COPB1: variants seen among roughly 807,000 people sequenced by gnomAD.
COPB1 encodes coat protein complex I subunit beta 1, also known as coatomer subunit beta.
Under a neutral mutation model 108.7 loss-of-function variants are expected in COPB1, and 21 were observed. The observed-to-expected ratio is 0.19, with a 90% CI of 0.14 to 0.28. COPB1 has a LOEUF of 0.28. COPB1 is among the 10% of genes least tolerant of loss of function. The pLI is 1.00. For missense variants in COPB1, 919 were observed against 1,141.3 expected (o/e 0.81, Z 2.81); for synonymous variants, 378 against 386.8 (o/e 0.98, Z 0.27).
intron 10 of COPB1, among the ~76,000 whole-genome samples, 163 bp from the exon 11 acceptor site, chr11:14,479,877 C>T (rs986274539): frequency 2.0e-5 from 3 of 152,118 alleles, no homozygotes; most frequent in Non-Finnish European, 4.4e-5. Context: ...AATCATAGCT[C>T]ACTGCAGCCT....
Position 14,490,779 on chromosome 11 carries a change from C to A in COPB1, c.492-100G>T, listed in dbSNP as rs181248432. 1,431 of 645,038 alleles carry A rather than the reference C, an allele frequency of 2.2e-3. 5 individuals carry two copies. Among genetic ancestry groups the A allele is most frequent in the Non-Finnish European group, 3.0e-3 (1,162 of 389,400 alleles). The allele number at this position is 645,038 out of a possible 1,614,324, so 40.0% of individuals were successfully genotyped here. A position where few individuals can be genotyped will look rare whatever the true frequency, so the allele number is the denominator to read the frequency against. On this transcript the variant is annotated intron_variant, in intron 4 of 21. Coordinates refer to ENST00000439561, the MANE Select transcript of COPB1 (RefSeq NM_001144061.2). ...CAAAATTAAATTTAATCAAACTTTA[C>A]AACATACTTTTGCTTTTTTTTTTTT...
rs183916358 is a variant in COPB1 at position 14,492,943 on chromosome 11, C to T, written c.491+699G>A. ...AGTGGAACACTTGAGGTCAGGAGTTCGAGACCAGCCTGGCCAACATGGTGA... is the reference window on the plus strand; with the variant it reads ...AGTGGAACACTTGAGGTCAGGAGTTTGAGACCAGCCTGGCCAACATGGTGA... On this transcript the variant is annotated intron_variant, in intron 4 of 21. Coordinates refer to ENST00000439561, the MANE Select transcript of COPB1 (RefSeq NM_001144061.2). Among the ~76,000 whole-genome samples the T allele has an allele frequency of 4.9e-3, 738 of 152,044 alleles. 4 individuals carry two copies. Among genetic ancestry groups the T allele is most frequent in the Non-Finnish European group, 8.0e-3 (547 of 67,980 alleles).
intron 4 of COPB1, among the ~76,000 whole-genome samples, chr11:14,492,708 G>A (rs2134127127): frequency 6.6e-6 from 1 of 152,230 alleles, no homozygotes; most frequent in African/African-American, 2.4e-5. Flanking sequence ...AGATAACTAT[G>A]AAATTATATC....
intron 21 of COPB1, among the ~76,000 whole-genome samples, 191 bp from the exon 22 acceptor site, chr11:14,458,074 A>ATTTTT (rs748562590): frequency 6.2e-4 from 62 of 100,706 alleles, no homozygotes; most frequent in Admixed American, 7.7e-4. Flanking sequence ...CCGTCACCAG[A>ATTTTT]TTTTTTTTTT....
rs3835110 is a variant in COPB1 at position 14,465,062 on chromosome 11, TACACACACACACACACACACACAC to T, written c.2291-56_2291-33del. ...GAAAGAGTTTGGATATGGTTAAAAA[TACACACACACACACACACACACAC>T]ACACACACACACACACACACACACT... is the stretch of plus-strand genomic sequence containing the variant. On this transcript the variant is annotated intron_variant, in intron 17 of 21. Transcript: ENST00000439561. 1.3e-3 allele frequency: 1,442 copies of T among 1,113,566 alleles called. 1 individual carries two copies. Among genetic ancestry groups the T allele is most frequent in the Non-Finnish European group, 1.7e-3 (1,370 of 819,618 alleles). 69.0% of individuals were successfully genotyped at this position (1,113,566 alleles called of 1,614,324 possible).
intron 14 of COPB1, among the ~76,000 whole-genome samples, chr11:14,472,306 T>A (rs1850426025): frequency 1.3e-5 from 2 of 152,264 alleles, no homozygotes; most frequent in South Asian, 4.1e-4. Context: ...AGTAATATTT[T>A]AAAAGGAGTC....
intron 18 of COPB1, among the ~76,000 whole-genome samples, chr11:14,462,554 C>G (rs541669534): frequency 6.6e-6 from 1 of 152,254 alleles, no homozygotes; most frequent in East Asian, 1.9e-4. Flanking sequence ...TCTTGACATT[C>G]TTCCACTCTT....
chr11:14,469,414 G>T lies in COPB1; in HGVS notation c.1887C>A (p.Asp629Glu). Residue 629 changes from aspartate (D) to glutamate (E), a missense_variant, in exon 15 of 22, where the codon GAC (aspartate) becomes GAA (glutamate). Physicochemically the swap from Asp to Glu is conservative, Grantham distance 45 (BLOSUM62 2). Around this residue, in one of 5 missense-constraint regions of COPB1, gnomAD observed 705 missense variants for 817.8 expected, o/e 0.86. Coordinates refer to ENST00000439561, the MANE Select transcript of COPB1 (RefSeq NM_001144061.2). ...ACTGTCTGCATTCCTTATTGAAAAT[G>T]TCATTCATTAAAGGTGAACATTCAG... The part of the protein sequence containing the change: ...VLSECSPLMN[D>E]IFNKECRQSL... 1 of 1,614,130 alleles carries T rather than the reference G, an allele frequency of 6.2e-7. No homozygotes were observed. The highest frequency in any genetic ancestry group is 8.5e-7 in the Non-Finnish European group (1 of 1,179,992).
At chr11:14,467,402 G>T (rs1850307788) in intron 16 of COPB1, among the ~76,000 whole-genome samples, 1 of 152,076 alleles carries the variant, frequency 6.6e-6, no homozygotes, top group Admixed American at 6.5e-5. Flanking sequence ...TGTTGGCAAG[G>T]ATATGGAGAA....
chr11:14,493,482 A>G (rs1464689296), intron 4 of COPB1, among the ~76,000 whole-genome samples, 160 bp downstream of exon 4: 4 of 152,222 alleles, frequency 2.6e-5, no homozygotes, highest in African/African-American at 9.6e-5. Context: ...GCGCTGCCAG[A>G]TCTTTTGACT....
chr11:14,463,020 C>T (rs746494832), intron 18 of COPB1, among the ~76,000 whole-genome samples: 4 of 152,204 alleles, frequency 2.6e-5, no homozygotes, highest in Non-Finnish European at 5.9e-5. Context: ...AGATGTCCCA[C>T]AAGAAATGTT....
intron 4 of COPB1, 82 bp downstream of exon 4, chr11:14,493,560 T>C (rs1850956226): frequency 1.7e-6 from 2 of 1,210,234 alleles, no homozygotes; most frequent in East Asian, 5.1e-5. Flanking sequence ...ATATTCAGTC[T>C]GCAAGCAACC....
intron 18 of COPB1, 28 bp from the exon 19 acceptor site, chr11:14,461,359 C>T (rs750468506): frequency 6.2e-7 from 1 of 1,604,360 alleles, no homozygotes; most frequent in South Asian, 1.1e-5. Context: ...AAAAGATTCG[C>T]AATCACTGGG....
intron 5 of COPB1, among the ~76,000 whole-genome samples, chr11:14,489,352 A>G (rs1336037996): frequency 1.3e-5 from 2 of 152,244 alleles, no homozygotes; most frequent in Non-Finnish European, 2.9e-5. Context: ...ATTGCTGTAT[A>G]TTCAGTAAAT....
At chr11:14,458,288 G>C (rs1420779380) in intron 21 of COPB1, among the ~76,000 whole-genome samples, 2 of 151,828 alleles carry the variant, frequency 1.3e-5, no homozygotes, top group East Asian at 3.9e-4. Flanking sequence ...AAAAATTCTA[G>C]AGAACCCATT....
chr11:14,488,706 G>A (rs893486441), intron 5 of COPB1, 122 bp from the exon 6 acceptor site: 9 of 434,748 alleles, frequency 2.1e-5, no homozygotes, highest in South Asian at 8.0e-5. Context: ...AGGGCAAAGA[G>A]AAATTAACTG....
At chr11:14,492,323 CATT>C (rs970783993) in intron 4 of COPB1, among the ~76,000 whole-genome samples, 3 of 151,420 alleles carry the variant, frequency 2.0e-5, no homozygotes, top group Non-Finnish European at 2.9e-5. Context: ...ACTCACCCTA[CATT>C]ATTATTATTA....
chr11:14,479,350 A>G (rs1418532542), intron 11 of COPB1, among the ~76,000 whole-genome samples: 1 of 152,258 alleles, frequency 6.6e-6, no homozygotes, highest in East Asian at 1.9e-4. Flanking sequence ...AGAGAAAATC[A>G]GAATAGAGAC....
At chr11:14,463,772 A>T (rs1259846686) in intron 18 of COPB1, among the ~76,000 whole-genome samples, 5 of 152,136 alleles carry the variant, frequency 3.3e-5, no homozygotes, top group Non-Finnish European at 5.9e-5. Context: ...TGTTATGATG[A>T]TGACATAAAC....
Sources: allele counts gnomAD v4.1 joint callset (sites outside exome capture counted in the v4.1 genomes callset), GRCh38; gene constraint gnomAD v4.1.1; regional missense constraint gnomAD v4.1.1; transcripts MANE v1.5; gene names NCBI Gene and HGNC (gene_info 2026-07-23, HGNC 2026-07-21).